EFCAB3: variants seen among roughly 807,000 people sequenced by gnomAD.
EFCAB3 encodes the protein EF-hand calcium-binding domain-containing protein 3.
A neutral mutation model predicts 42.2 loss-of-function variants in EFCAB3; 36 were observed. That is an observed-to-expected ratio of 0.85 (90% CI 0.65 to 1.13). EFCAB3 has a LOEUF of 1.13. EFCAB3 is among the 50% of genes most tolerant of loss of function. The probability of loss-of-function intolerance (pLI) is 0.00; values close to 1 mark genes in which losing one functional copy is unlikely to be tolerated. For synonymous variants in EFCAB3, 170 were observed against 172.8 expected (o/e 0.98, Z 0.13); for missense variants, 418 against 505.1 (o/e 0.83, Z 1.65).
At chr17:62,379,415 A>C (rs1400484977), upstream of EFCAB3, among the ~76,000 whole-genome samples, 1 of 34,514 alleles carries the variant, frequency 2.9e-5, no homozygotes, top group African/African-American at 5.4e-5. Context: ...GTGAGACCTC[A>C]CCAAAAAAAA....
At chr17:62,395,261 C>T in intron 6 of EFCAB3, 73 bp downstream of exon 6, 1 of 1,570,946 alleles carries the variant, frequency 6.4e-7, no homozygotes. Flanking sequence ...GCAGTCAGCT[C>T]CCACTAACAT....
intron 8 of EFCAB3, among the ~76,000 whole-genome samples, chr17:62,411,768 T>C (rs555848538): frequency 8.4e-6 from 1 of 119,104 alleles, no homozygotes; most frequent in African/African-American, 3.2e-5. Flanking sequence ...ACTCTGTCTC[T>C]AAAGAAAGAA....
At chr17:62,402,909 C>T (rs1199418266) in intron 6 of EFCAB3, among the ~76,000 whole-genome samples, 1 of 152,112 alleles carries the variant, frequency 6.6e-6, no homozygotes, top group African/African-American at 2.4e-5. Flanking sequence ...GCTGTGAATC[C>T]ATCTGGTCCT....
chr17:62,374,106 T>A (rs2070133025), intron 2 of EFCAB3, among the ~76,000 whole-genome samples: 3 of 152,366 alleles, frequency 2.0e-5, no homozygotes, highest in African/African-American at 4.8e-5. Context: ...TGTGCTTTTT[T>A]ATCCATGTCC....
intron 8 of EFCAB3, among the ~76,000 whole-genome samples, chr17:62,411,545 G>T (rs951908064): frequency 6.6e-6 from 1 of 152,138 alleles, no homozygotes; most frequent in Non-Finnish European, 1.5e-5. Flanking sequence ...AAGGCAGGTG[G>T]ATCGCCTGAG....
upstream of EFCAB3, among the ~76,000 whole-genome samples, chr17:62,376,132 G>C (rs1371584698): frequency 2.6e-5 from 4 of 152,038 alleles, no homozygotes; most frequent in Non-Finnish European, 5.9e-5. Context: ...TTCAAATACT[G>C]GTTTCTATTT....
chr17:62,382,123 A>T (rs112950340), intron 1 of EFCAB3: 1 of 159,064 alleles, frequency 6.3e-6, no homozygotes, highest in Non-Finnish European at 1.4e-5. Context: ...AGTCTCCCCA[A>T]AAGAAACCCT....
At chr17:62,409,431 A>AG in intron 8 of EFCAB3, among the ~76,000 whole-genome samples, 1 of 152,152 alleles carries the variant, frequency 6.6e-6, no homozygotes, top group African/African-American at 2.4e-5. Flanking sequence ...GCTGATTAGG[A>AG]GGCTGAGGGA....
At chr17:62,380,959 C>G (rs2070191640) in intron 1 of EFCAB3, among the ~76,000 whole-genome samples, 1 of 152,126 alleles carries the variant, frequency 6.6e-6, no homozygotes, top group Admixed American at 6.5e-5. Context: ...AGTCAGCAAC[C>G]TAGTTTTCTT....
chr17:62,376,984 G>A (rs1381894411), upstream of EFCAB3, among the ~76,000 whole-genome samples: 2 of 152,130 alleles, frequency 1.3e-5, no homozygotes, highest in Non-Finnish European at 1.5e-5. Context: ...CAGTGTCTAA[G>A]AATGGCATAG....
intron 6 of EFCAB3, among the ~76,000 whole-genome samples, chr17:62,400,057 T>C (rs1456804111): frequency 6.6e-6 from 1 of 151,988 alleles, no homozygotes; most frequent in Non-Finnish European, 1.5e-5. Flanking sequence ...TCCATTTGTA[T>C]ACAGGCAAGG....
At chr17:62,410,940 G>A (rs1157609647) in intron 8 of EFCAB3, among the ~76,000 whole-genome samples, 1 of 152,160 alleles carries the variant, frequency 6.6e-6, no homozygotes, top group Non-Finnish European at 1.5e-5. Flanking sequence ...TCTGAATAGA[G>A]AAGAAAGTAT....
chr17:62,413,569 G>T (rs1333534803), intron 8 of EFCAB3, among the ~76,000 whole-genome samples, 163 bp from the exon 9 acceptor site: 1 of 152,032 alleles, frequency 6.6e-6, no homozygotes, highest in Non-Finnish European at 1.5e-5. Flanking sequence ...ACTCCTGAGG[G>T]ACCCGGAAAA....
At chr17:62,410,170 G>C (rs954340753) in intron 8 of EFCAB3, among the ~76,000 whole-genome samples, 1 of 152,032 alleles carries the variant, frequency 6.6e-6, no homozygotes, top group East Asian at 1.9e-4. Context: ...TTGCACTCCA[G>C]CCTGGGCAAT....
chr17:62,396,833 T>C (rs2070353989), intron 6 of EFCAB3, among the ~76,000 whole-genome samples: 1 of 151,532 alleles, frequency 6.6e-6, no homozygotes, highest in African/African-American at 2.4e-5. Context: ...GAGCTGTGAT[T>C]GTGCCACTAC....
intron 4 of EFCAB3, 57 bp downstream of exon 4, chr17:62,392,022 T>C: frequency 6.5e-7 from 1 of 1,531,942 alleles, no homozygotes. Flanking sequence ...GAATATATAG[T>C]TTTCTTTTAA....
intron 6 of EFCAB3, among the ~76,000 whole-genome samples, chr17:62,403,669 C>T (rs2070423370): frequency 6.6e-6 from 1 of 152,134 alleles, no homozygotes; most frequent in Non-Finnish European, 1.5e-5. Context: ...CAGAGTCTTG[C>T]TCTCTTATCT....
upstream of EFCAB3, among the ~76,000 whole-genome samples, chr17:62,376,752 C>T (rs977883254): frequency 1.2e-4 from 18 of 152,154 alleles, no homozygotes; most frequent in Non-Finnish European, 1.6e-4. Flanking sequence ...AACTTCAAGA[C>T]CTGCTAAAAT....
intron 8 of EFCAB3, 53 bp from the exon 9 acceptor site, chr17:62,413,679 T>C (rs541236903): frequency 5.5e-5 from 77 of 1,401,502 alleles, no homozygotes; most frequent in Non-Finnish European, 7.4e-5. Flanking sequence ...CTTTTTGTTG[T>C]ATAATTCAAA....
Sources: gnomAD v4.1 joint callset for allele counts (sites outside exome capture counted in the v4.1 genomes callset) on GRCh38, gnomAD v4.1.1 for gene constraint, MANE v1.5 for transcripts, NCBI Gene and HGNC (gene_info 2026-07-23, HGNC 2026-07-21) for gene names.